The following PTPRE variants were observed in gnomAD, a reference collection of about 807,000 sequenced individuals.
PTPRE encodes the protein protein tyrosine phosphatase receptor type E.
A neutral mutation model predicts 102.0 loss-of-function variants in PTPRE; 51 were observed. The ratio of observed to expected loss-of-function variants is 0.50; its 90% CI spans 0.40 to 0.63. PTPRE has a LOEUF of 0.63. Among genes scored for constraint, PTPRE ranks in the 30% least tolerant of loss-of-function variants. The pLI is 0.00. For missense variants in PTPRE, 752 were observed against 915.1 expected, an observed-to-expected ratio of 0.82 and a Z score of 2.30; for synonymous variants, 345 against 348.2, an observed-to-expected ratio of 0.99 and a Z score of 0.10.
At chr10:127,986,682 GA>G (rs1385884586) in intron 2 of PTPRE, among the ~76,000 whole-genome samples, 2 of 152,072 alleles carry the variant, frequency 1.3e-5, no homozygotes, top group African/African-American at 2.4e-5. Flanking sequence ...TCTTGATGTT[GA>G]TTTGAATGGC....
intron 2 of PTPRE, among the ~76,000 whole-genome samples, chr10:128,018,651 C>T (rs938826389): frequency 6.6e-6 from 1 of 152,310 alleles, no homozygotes; most frequent in South Asian, 2.1e-4. Context: ...ATCTCCTCTG[C>T]GACCAGGGAC....
At chr10:128,069,656 TGA>T (rs1475054130) in intron 12 of PTPRE, 34 bp from the exon 13 acceptor site, 6 of 1,611,998 alleles carry the variant, frequency 3.7e-6, no homozygotes, top group Non-Finnish European at 5.1e-6. Context: ...GGGAGGAGTG[TGA>T]CTCACGACGC....
At chr10:127,988,524 C>T (rs371959363) in intron 2 of PTPRE, among the ~76,000 whole-genome samples, 3 of 152,046 alleles carry the variant, frequency 2.0e-5, no homozygotes, top group East Asian at 3.8e-4. Flanking sequence ...AGGCTGGTCT[C>T]GAACTCCTGA....
intron 1 of PTPRE, among the ~76,000 whole-genome samples, chr10:127,976,248 C>T (rs1851168185): frequency 6.6e-6 from 1 of 152,134 alleles, no homozygotes; most frequent in Non-Finnish European, 1.5e-5. Context: ...TGGAGGGCAC[C>T]CCTACACCTC....
intron 2 of PTPRE, among the ~76,000 whole-genome samples, chr10:128,000,910 T>C (rs1282726037): frequency 6.6e-6 from 1 of 152,154 alleles, no homozygotes; most frequent in Non-Finnish European, 1.5e-5. Flanking sequence ...ACCGTGCCCT[T>C]GGACAGGAAG....
At chr10:128,024,322 T>C (rs903181967) in intron 2 of PTPRE, among the ~76,000 whole-genome samples, 1 of 152,244 alleles carries the variant, frequency 6.6e-6, no homozygotes, top group African/African-American at 2.4e-5. Context: ...TAAGGTTCAC[T>C]TCTTTAAATG....
chr10:127,911,271 TC>T (rs1488973409), intron 1 of PTPRE, among the ~76,000 whole-genome samples: 2 of 152,226 alleles, frequency 1.3e-5, no homozygotes, highest in Non-Finnish European at 2.9e-5. Flanking sequence ...AGTATTTTAA[TC>T]CCATAATGTT....
intron 1 of PTPRE, among the ~76,000 whole-genome samples, chr10:127,925,874 C>T (rs114049832): frequency 0.016 from 2,379 of 152,218 alleles, 66 homozygotes; most frequent in African/African-American, 0.054. Context: ...CTCACCAGCC[C>T]ACAAAGGACA....
chr10:127,952,341 CCT>C (rs1491444105), intron 1 of PTPRE, among the ~76,000 whole-genome samples: 5 of 117,196 alleles, frequency 4.3e-5, no homozygotes, highest in Non-Finnish European at 7.6e-5. Flanking sequence ...CCCCGCCCCC[CCT>C]AGCCCTTAGT....
intron 19 of PTPRE, among the ~76,000 whole-genome samples, chr10:128,078,460 G>A (rs954078398): frequency 2.6e-5 from 4 of 152,206 alleles, no homozygotes; most frequent in Non-Finnish European, 4.4e-5. Context: ...CAGGGACCTC[G>A]ACACCCGGCA....
At position 128,085,559 on chromosome 10, in the gene PTPRE, A is replaced by G. The variant is rs977981919; in HGVS notation, c.*2653A>G. The G allele has an allele frequency of 6.5e-5, 10 of 153,042 alleles. No individual in the cohort carries two copies. The highest frequency in any genetic ancestry group is 2.4e-4 in the African/African-American group (10 of 41,556). The allele number at this position is 153,042 out of a possible 1,614,324, so 9.5% of individuals were successfully genotyped here. A position where few individuals can be genotyped will look rare whatever the true frequency, so the allele number is the denominator to read the frequency against. ...TTATGTGTTTTTAAACACTTTTTTA[A>G]ATGAGCCTGACACCTGTGTTTCAGC... On this transcript the variant is annotated 3_prime_UTR_variant, in exon 21 of 21. Transcript: ENST00000254667.
At chr10:127,915,895 G>A (rs1207492331) in intron 1 of PTPRE, among the ~76,000 whole-genome samples, 1 of 151,468 alleles carries the variant, frequency 6.6e-6, no homozygotes, top group East Asian at 1.9e-4. Flanking sequence ...TTAAACTTAT[G>A]ATATATTCTA....
At position 128,056,159 on chromosome 10, in the gene PTPRE, C is replaced by A; in HGVS notation, c.457C>A (p.Leu153Met). The A allele has an allele frequency of 6.2e-7, 1 of 1,612,956 alleles. No individual in the cohort carries two copies. Among genetic ancestry groups the A allele is most frequent in the Non-Finnish European group, 8.5e-7 (1 of 1,179,038 alleles). ...PSGHIQGTFE[L>M]ANKEENREKN... ...TGGACACATACAAGGAACTTTTGAA[C>A]TGGCAAATAAAGAAGAAAACAGAGA... Residue 153 changes from leucine (L) to methionine (M), a missense_variant, in exon 7 of 21, where the codon CTG (leucine) becomes ATG (methionine). By Grantham distance (15) the Leu-to-Met change is conservative (BLOSUM62 2). Around this residue, in one of 2 missense-constraint regions of PTPRE, gnomAD observed 636 missense variants for 824.4 expected, o/e 0.77. Transcript: ENST00000254667.
chr10:128,069,389 T>C (rs1393367447), intron 12 of PTPRE: 1 of 323,940 alleles, frequency 3.1e-6, no homozygotes, highest in Non-Finnish European at 5.7e-6. Flanking sequence ...CAATCACACA[T>C]ATAAGAAGAA....
chr10:127,952,787 C>T (rs1440966680), intron 1 of PTPRE, among the ~76,000 whole-genome samples: 2 of 152,160 alleles, frequency 1.3e-5, no homozygotes, highest in Admixed American at 6.5e-5. Flanking sequence ...TCTCTGAGTC[C>T]ATTCTTTGGG....
rs183913832 is a variant in PTPRE, at chr10:128,041,474, C to G, written c.109+484C>G. On this transcript the variant is annotated intron_variant, in intron 3 of 20. Transcript: ENST00000254667. ...ACCATCTTGGCCAACACGGTGAAAC[C>G]CTGTCTCTACTAAAAGTACAAAAAT... Among the ~76,000 whole-genome samples, 521 of 151,912 alleles carry G rather than the reference C, an allele frequency of 3.4e-3. 6 individuals are homozygous for G. Among genetic ancestry groups the G allele is most frequent in the African/African-American group, 0.012 (507 of 41,406 alleles).
intron 2 of PTPRE, among the ~76,000 whole-genome samples, chr10:127,996,145 G>A (rs556509001): frequency 3.2e-4 from 48 of 152,308 alleles, no homozygotes; most frequent in African/African-American, 1.1e-3. Context: ...AGTGACTGAT[G>A]TCTAATTATT....
At chr10:127,991,827 G>A (rs912548587) in intron 2 of PTPRE, among the ~76,000 whole-genome samples, 1 of 152,144 alleles carries the variant, frequency 6.6e-6, no homozygotes, top group African/African-American at 2.4e-5. Context: ...TATTAGAATA[G>A]CACCGGAGGT....
intron 1 of PTPRE, among the ~76,000 whole-genome samples, chr10:127,908,206 TA>T (rs1382067037): frequency 3.9e-5 from 6 of 152,208 alleles, no homozygotes; most frequent in Non-Finnish European, 5.9e-5. Context: ...AAAGAAAGAA[TA>T]CAGCTCTCTG....
Sources: allele counts gnomAD v4.1 joint callset (sites outside exome capture counted in the v4.1 genomes callset), GRCh38; gene constraint gnomAD v4.1.1; regional missense constraint gnomAD v4.1.1; transcripts MANE v1.5; gene names NCBI Gene and HGNC (gene_info 2026-07-23, HGNC 2026-07-21).